Variants in MND1 observed in about 807,000 individuals in gnomAD.
The protein encoded by MND1 is meiotic nuclear divisions 1.
MND1 carries 28 observed loss-of-function variants against 35.1 expected under a neutral mutation model. That is an observed-to-expected ratio of 0.80 (90% CI 0.59 to 1.09). MND1 has a LOEUF of 1.09. Ranked by LOEUF, MND1 falls within the 50% of genes least tolerant of loss-of-function variation. MND1 has a pLI of 0.00. For synonymous variants in MND1, 69 were observed against 70.5 expected, an observed-to-expected ratio of 0.98 and a Z score of 0.11; for missense variants, 213 against 239.6, an observed-to-expected ratio of 0.89 and a Z score of 0.73.
intron 4 of MND1, 83 bp from the exon 5 acceptor site, chr4:153,394,179 T>C (rs1729134058): frequency 3.9e-6 from 5 of 1,282,736 alleles, no homozygotes; most frequent in Non-Finnish European, 5.5e-6. Flanking sequence ...CGTGAGCCAC[T>C]GCACCTGGTG....
At chr4:153,382,897 G>A (rs1579930571) in intron 4 of MND1, among the ~76,000 whole-genome samples, 2 of 152,274 alleles carry the variant, frequency 1.3e-5, no homozygotes, top group East Asian at 3.9e-4. Context: ...AATCAAGTAT[G>A]AGAAACTTTC....
chr4:153,413,495 A>G (rs1422394962), intron 7 of MND1, among the ~76,000 whole-genome samples: 1 of 152,082 alleles, frequency 6.6e-6, no homozygotes, highest in African/African-American at 2.4e-5. Flanking sequence ...CCTGGGCAAC[A>G]TGGTGAAACC....
intron 4 of MND1, among the ~76,000 whole-genome samples, chr4:153,366,486 G>C (rs1773640310): frequency 1.3e-5 from 2 of 152,220 alleles, no homozygotes; most frequent in South Asian, 4.1e-4. Context: ...GTGACTGTTA[G>C]ACAAAGAAGT....
chr4:153,393,912 T>A (rs971838856), intron 4 of MND1, among the ~76,000 whole-genome samples: 1 of 148,824 alleles, frequency 6.7e-6, no homozygotes, highest in African/African-American at 2.5e-5. Context: ...GTATAGTGTT[T>A]GACTTTGTTT....
chr4:153,355,721 A>C lies in MND1; in HGVS notation c.127+10A>C. On this transcript the variant is annotated intron_variant, in intron 3 of 7. Transcript: ENST00000240488. ...AAAGAGAAAGGCATTAGTAAGTACC[A>C]AAGTTATACTGGAATGTTTTGGGAA... The C allele has an allele frequency of 6.6e-7, 1 of 1,520,230 alleles. No homozygotes were observed. The highest frequency in any genetic ancestry group is 9.1e-7 in the Non-Finnish European group (1 of 1,099,182). The allele number at this position is 1,520,230 out of a possible 1,614,324, so 94.2% of individuals were successfully genotyped here.
chr4:153,367,826 T>G (rs1773694276), intron 4 of MND1, among the ~76,000 whole-genome samples: 1 of 152,204 alleles, frequency 6.6e-6, no homozygotes, highest in Admixed American at 6.5e-5. Context: ...GGGCACTCAT[T>G]TCTCCACATC....
intron 6 of MND1, among the ~76,000 whole-genome samples, chr4:153,401,090 AAAATAAAG>A (rs1268171593): frequency 6.6e-6 from 1 of 152,158 alleles, no homozygotes; most frequent in Non-Finnish European, 1.5e-5. Flanking sequence ...TGAAACACAG[AAAATAAAG>A]AATTTAAAAA....
intron 6 of MND1, among the ~76,000 whole-genome samples, chr4:153,407,664 A>G (rs946602802): frequency 1.3e-5 from 2 of 152,228 alleles, no homozygotes; most frequent in Admixed American, 6.5e-5. Context: ...CAGCTGATGA[A>G]TGGATAAGCA....
At chr4:153,346,178 C>T (rs993301363) in intron 1 of MND1, among the ~76,000 whole-genome samples, 1 of 152,110 alleles carries the variant, frequency 6.6e-6, no homozygotes, top group African/African-American at 2.4e-5. Context: ...GGTTAGGCAT[C>T]CTAAGTAAAT....
intron 1 of MND1, chr4:153,345,386 A>T: frequency 4.1e-6 from 4 of 985,568 alleles, no homozygotes; most frequent in Non-Finnish European, 4.8e-6. Flanking sequence ...GGTTTCTGCC[A>T]AAGGGCAGGA....
intron 7 of MND1, among the ~76,000 whole-genome samples, chr4:153,411,962 A>G (rs1341789134): frequency 1.3e-5 from 2 of 152,216 alleles, no homozygotes; most frequent in Non-Finnish European, 2.9e-5. Context: ...AGCAGACATA[A>G]CATTTGGATG....
intron 4 of MND1, among the ~76,000 whole-genome samples, chr4:153,368,554 T>C (rs569512964): frequency 6.6e-6 from 1 of 152,302 alleles, no homozygotes; most frequent in Admixed American, 6.5e-5. Context: ...GTTTTCACTT[T>C]CCTGAAAAAG....
chr4:153,399,040 T>C (rs1417327045), intron 6 of MND1, among the ~76,000 whole-genome samples: 1 of 152,220 alleles, frequency 6.6e-6, no homozygotes, highest in Non-Finnish European at 1.5e-5. Flanking sequence ...AGGTGATTTA[T>C]TTTCAGGATA....
intron 4 of MND1, among the ~76,000 whole-genome samples, chr4:153,392,429 A>G (rs569127808): frequency 6.6e-6 from 1 of 152,256 alleles, no homozygotes; most frequent in East Asian, 1.9e-4. Context: ...TTTTATAATC[A>G]GCCAACAGAA....
chr4:153,392,100 G>C (rs1729062222), intron 4 of MND1, among the ~76,000 whole-genome samples: 1 of 148,020 alleles, frequency 6.8e-6, no homozygotes, highest in Admixed American at 6.9e-5. Flanking sequence ...TTTTGTGGGG[G>C]GCAGTTTAGT....
At chr4:153,383,016 T>G (rs530018085) in intron 4 of MND1, among the ~76,000 whole-genome samples, 1 of 152,330 alleles carries the variant, frequency 6.6e-6, no homozygotes, top group Admixed American at 6.5e-5. Flanking sequence ...CAATTCCATA[T>G]GTGAAAATAA....
chr4:153,415,009 C>A lies in MND1; in HGVS notation c.*152C>A. On this transcript the variant is annotated 3_prime_UTR_variant, in exon 8 of 8. Coordinates refer to ENST00000240488, the MANE Select transcript of MND1 (RefSeq NM_032117.4). The stretch of plus-strand genomic sequence containing the variant: ...AGTGTAAAATGCAGATGTTCTTCAC[C>A]CCTTTTGGTAGAACAAAAGCAGGAT... The A allele has an allele frequency of 4.9e-6, 2 of 404,760 alleles. No individual in the cohort carries two copies. The highest frequency in any genetic ancestry group is 7.6e-5 in the East Asian group (2 of 26,276). The allele number at this position is 404,760 out of a possible 1,614,324, so 25.1% of individuals were successfully genotyped here.
At position 153,397,287 on chromosome 4, in the gene MND1, AG is replaced by A. The variant is rs1333289922; in HGVS notation, c.421del (p.Val141Ter). 2 of 1,613,156 alleles carry A rather than the reference AG, an allele frequency of 1.2e-6. No individual in the cohort carries two copies. Among genetic ancestry groups the A allele is most frequent in the African/African-American group, 1.3e-5 (1 of 74,940 alleles). On this transcript the variant is annotated frameshift_variant, in exon 6 of 8. Transcript: ENST00000240488. LOFTEE classifies it high-confidence loss of function. ...RDQREQLKAEVEKYKDCDPQV... is the reference protein window; with the variant it reads ...RDQREQLKAEXEKYKDCDPQV... ...ACCAAAGGGAACAGCTAAAGGCAGA[AG>A]TAGAAAAATACAAAGACTGTGATCC... is the stretch of plus-strand genomic sequence containing the variant.
chr4:153,372,358 A>G (rs1321266119), intron 4 of MND1, among the ~76,000 whole-genome samples: 1 of 152,144 alleles, frequency 6.6e-6, no homozygotes, highest in East Asian at 1.9e-4. Flanking sequence ...CGTTCAGGCC[A>G]TCTTAGAGGA....
Sources: allele counts gnomAD v4.1 joint callset (sites outside exome capture counted in the v4.1 genomes callset), GRCh38; gene constraint gnomAD v4.1.1; transcripts MANE v1.5; gene names NCBI Gene and HGNC (gene_info 2026-07-23, HGNC 2026-07-21).